The following TENM3 variants were observed in gnomAD, a reference collection of about 807,000 sequenced individuals.
The protein encoded by TENM3 is teneurin-3.
Under a neutral mutation model 255.1 loss-of-function variants are expected in TENM3, and 63 were observed. The observed-to-expected ratio is 0.25, with a 90% CI of 0.20 to 0.30. The LOEUF (loss-of-function observed/expected upper bound fraction) is 0.30, where lower values mean the gene tolerates loss of function less well. Ranked by LOEUF, TENM3 falls within the 10% of genes least tolerant of loss-of-function variation. The pLI is 1.00. For missense variants in TENM3, 2,929 were observed against 3,461.1 expected (o/e 0.85, Z 3.86); for synonymous variants, 1,306 against 1,322.3 (o/e 0.99, Z 0.27).
the TENM3 span, among the ~76,000 whole-genome samples, chr4:181,462,765 A>G: frequency 2.0e-5 from 3 of 151,964 alleles, no homozygotes; most frequent in Admixed American, 1.3e-4. Flanking sequence ...TCAAGTTCCC[A>G]CTCTGTGCAT....
At chr4:181,605,766 C>T in the TENM3 span, among the ~76,000 whole-genome samples, 10 of 152,074 alleles carry the variant, frequency 6.6e-5, no homozygotes, top group Admixed American at 1.3e-4. Flanking sequence ...ATTTTTGGAA[C>T]ATTATTATAA....
chr4:182,014,964 G>T, the TENM3 span, among the ~76,000 whole-genome samples: 1 of 152,168 alleles, frequency 6.6e-6, no homozygotes, highest in African/African-American at 2.4e-5. Flanking sequence ...TGGAATTAGA[G>T]AAAATATTCT....
the TENM3 span, among the ~76,000 whole-genome samples, chr4:182,043,646 A>G: frequency 9.1e-3 from 1,391 of 152,288 alleles, 16 homozygotes; most frequent in African/African-American, 0.031. Context: ...TTTAGGATAA[A>G]TTATTATTGA....
At chr4:182,216,375 CATGGT>C (rs1256973973) in intron 1 of TENM3, among the ~76,000 whole-genome samples, 1 of 152,256 alleles carries the variant, frequency 6.6e-6, no homozygotes, top group Non-Finnish European at 1.5e-5. Context: ...TCAGTTTCCA[CATGGT>C]CTTGCCTACC....
chr4:181,549,164 C>T, the TENM3 span, among the ~76,000 whole-genome samples: 1 of 152,174 alleles, frequency 6.6e-6, no homozygotes, highest in East Asian at 1.9e-4. Flanking sequence ...TACTCCCACC[C>T]CAACCTACTG....
At chr4:181,543,340 G>A in the TENM3 span, among the ~76,000 whole-genome samples, 2 of 152,118 alleles carry the variant, frequency 1.3e-5, no homozygotes, top group Non-Finnish European at 1.5e-5. Flanking sequence ...AAGGGGAGGG[G>A]AGGGGAAGAG....
chr4:182,505,979 A>G (rs1007539622), intron 3 of TENM3, among the ~76,000 whole-genome samples: 2 of 152,346 alleles, frequency 1.3e-5, no homozygotes, highest in East Asian at 3.9e-4. Context: ...AACTTAAAAG[A>G]GGATGCATCA....
the TENM3 span, among the ~76,000 whole-genome samples, chr4:182,065,811 C>T: frequency 1.3e-5 from 2 of 152,210 alleles, no homozygotes; most frequent in Non-Finnish European, 2.9e-5. Flanking sequence ...AAGCGGGACA[C>T]ATCTTAGCCT....
chr4:182,417,000 G>A (rs1264746578), intron 3 of TENM3, among the ~76,000 whole-genome samples: 1 of 152,082 alleles, frequency 6.6e-6, no homozygotes, highest in African/African-American at 2.4e-5. Flanking sequence ...CTGAGACCGA[G>A]TCTCCCTCTG....
chr4:182,458,240 T>C (rs1319525993), intron 3 of TENM3, among the ~76,000 whole-genome samples: 3 of 152,176 alleles, frequency 2.0e-5, no homozygotes, highest in Non-Finnish European at 4.4e-5. Context: ...ATTATGCTTT[T>C]ATTGACATTT....
At chr4:181,779,665 T>C in the TENM3 span, among the ~76,000 whole-genome samples, 3 of 152,122 alleles carry the variant, frequency 2.0e-5, no homozygotes, top group South Asian at 6.2e-4. Flanking sequence ...TAGTTTAAGT[T>C]CTAGGGTACA....
intron 1 of TENM3, among the ~76,000 whole-genome samples, chr4:182,273,219 C>A (rs1184658714): frequency 6.6e-6 from 1 of 152,154 alleles, no homozygotes; most frequent in Non-Finnish European, 1.5e-5. Context: ...CCCCGACAGC[C>A]CTGGGAGAGG....
At chr4:182,459,697 GA>G (rs557962538) in intron 3 of TENM3, among the ~76,000 whole-genome samples, 1 of 149,990 alleles carries the variant, frequency 6.7e-6, no homozygotes, top group Non-Finnish European at 1.5e-5. Context: ...TTCAAAAATT[GA>G]AAAAAAAATT....
At chr4:181,950,196 G>C in the TENM3 span, among the ~76,000 whole-genome samples, 8 of 152,038 alleles carry the variant, frequency 5.3e-5, no homozygotes, top group East Asian at 1.9e-4. Flanking sequence ...GGCTCAAAAA[G>C]CTCCCCCACT....
intron 3 of TENM3, among the ~76,000 whole-genome samples, chr4:182,476,566 G>A (rs1166182314): frequency 6.6e-6 from 1 of 152,140 alleles, no homozygotes; most frequent in African/African-American, 2.4e-5. Flanking sequence ...AAACATACAT[G>A]TGTGTATATG....
the TENM3 span, among the ~76,000 whole-genome samples, chr4:181,649,916 A>T: frequency 6.6e-6 from 1 of 152,116 alleles, no homozygotes; most frequent in Non-Finnish European, 1.5e-5. Context: ...AAAAAGTTGT[A>T]CCCGGAAGGA....
chr4:181,619,930 C>G, the TENM3 span, among the ~76,000 whole-genome samples: 1 of 152,170 alleles, frequency 6.6e-6, no homozygotes, highest in Non-Finnish European at 1.5e-5. Context: ...CATTTGACAT[C>G]CTAACCTGGC....
chr4:182,451,214 C>A (rs1241662966), intron 3 of TENM3, among the ~76,000 whole-genome samples: 3 of 151,856 alleles, frequency 2.0e-5, no homozygotes, highest in Non-Finnish European at 4.4e-5. Context: ...CAAATAAAAT[C>A]ATACTAAATT....
chr4:182,643,745 A>G (rs183944248), intron 5 of TENM3, among the ~76,000 whole-genome samples: 4 of 152,316 alleles, frequency 2.6e-5, no homozygotes, highest in African/African-American at 4.8e-5. Context: ...GCAACTTAAT[A>G]TGTTCCTAAT....
Sources: allele counts gnomAD v4.1 joint callset (sites outside exome capture counted in the v4.1 genomes callset), GRCh38; gene constraint gnomAD v4.1.1; transcripts MANE v1.5; gene names NCBI Gene and HGNC (gene_info 2026-07-23, HGNC 2026-07-21).